Variants in KLF16 observed in about 807,000 individuals in gnomAD.
The protein encoded by KLF16 is Krueppel-like factor 16.
Under a neutral mutation model 6.1 loss-of-function variants are expected in KLF16, and 6 were observed. That is an observed-to-expected ratio of 0.98 (90% CI 0.54 to 1.93). KLF16 has a LOEUF of 1.93. KLF16 is among the 30% of genes most tolerant of loss of function. KLF16 has a pLI of 0.01. For missense variants in KLF16, 355 were observed against 363.8 expected, an observed-to-expected ratio of 0.98 and a Z score of 0.20; for synonymous variants, 211 against 176.5, an observed-to-expected ratio of 1.20 and a Z score of -1.55.
chr19:1,857,527 C>T lies in KLF16; in HGVS notation c.458-2767G>A, dbSNP rs2011979528. 6.6e-6 allele frequency among the ~76,000 whole-genome samples: 1 copy of T among 152,140 alleles called. No individual in the cohort carries two copies. The highest frequency in any genetic ancestry group is 6.5e-5 in the Admixed American group (1 of 15,282). ...ACAGGCAGGCTCAGAAAAATGGAGT[C>T]CAGGAAGTCCTGGAAACCTGGCCCG... On this transcript the variant is annotated intron_variant, in intron 1 of 1. Transcript: ENST00000250916. The surrounding 1 kb of genome is among the most constrained non-coding windows in gnomAD (Gnocchi z 4.7).
Position 1,856,950 on chromosome 19 carries a change from C to CGGGGGGGGGGG in KLF16, c.458-2191_458-2190insCCCCCCCCCCC, listed in dbSNP as rs946961126. Among the ~76,000 whole-genome samples, 15 of 43,190 alleles carry CGGGGGGGGGGG rather than the reference C, an allele frequency of 3.5e-4. 1 individual carries two copies. The highest frequency in any genetic ancestry group is 2.1e-3 in the Admixed American group (8 of 3,782). The allele number at this position is 43,190 out of a possible 152,430, so 28.3% of individuals were successfully genotyped here. The stretch of plus-strand genomic sequence containing the variant: ...CACTTTGCAAGGAGGAGCAGGTTGC[C>CGGGGGGGGGGG]GGGGTGGGGGGGGCGACCGGGGCAG... On this transcript the variant is annotated intron_variant, in intron 1 of 1. Coordinates refer to ENST00000250916, the MANE Select transcript of KLF16 (RefSeq NM_031918.4).
In KLF16 at chr19:1,852,948, G is replaced by C. The variant is rs1755581728; in HGVS notation, c.*1511C>G. On this transcript the variant is annotated 3_prime_UTR_variant, in exon 2 of 2. Transcript: ENST00000250916. ...CACCAGTGCCATCCAAAGCCCCCCT[G>C]TCCCCAAGCGAGAGGCAGGACGGTT... 1 of 152,096 alleles carries C rather than the reference G, an allele frequency of 6.6e-6. No individual in the cohort carries two copies. Among genetic ancestry groups the C allele is most frequent in the Admixed American group, 6.6e-5 (1 of 15,264 alleles). The allele number at this position is 152,096 out of a possible 1,614,324, so 9.4% of individuals were successfully genotyped here.
At chr19:1,861,273 C>T (rs1599195164) in intron 1 of KLF16, among the ~76,000 whole-genome samples, 1 of 152,276 alleles carries the variant, frequency 6.6e-6, no homozygotes, top group South Asian at 2.1e-4. Context: ...AAATGGAGCT[C>T]TCAGGCCACG....
chr19:1,854,304 T>A lies in KLF16; in HGVS notation c.*155A>T, dbSNP rs1396886119. 1.4e-5 allele frequency: 13 copies of A among 926,626 alleles called. No homozygotes were observed. The highest frequency in any genetic ancestry group is 1.9e-5 in the Non-Finnish European group (13 of 682,096). The allele number at this position is 926,626 out of a possible 1,614,324, so 57.4% of individuals were successfully genotyped here. A position where few individuals can be genotyped will look rare whatever the true frequency, so the allele number is the denominator to read the frequency against. On this transcript the variant is annotated 3_prime_UTR_variant, in exon 2 of 2. Transcript: ENST00000250916. ...ACCTCTGAGGTCAGGCAGACCCAGG[T>A]CCAGTCTCAGGCCCCCTCCTCACTC...
upstream of KLF16, among the ~76,000 whole-genome samples, chr19:1,864,819 A>C (rs1415237735): frequency 2.0e-5 from 3 of 152,092 alleles, no homozygotes; most frequent in Non-Finnish European, 4.4e-5. Context: ...GCGGGGGCAC[A>C]GAAACTGGGC....
At chr19:1,867,547 C>G (rs986283349), upstream of KLF16, among the ~76,000 whole-genome samples, 2 of 152,148 alleles carry the variant, frequency 1.3e-5, no homozygotes, top group Non-Finnish European at 1.5e-5. Flanking sequence ...GCCTGGGCAA[C>G]AGAGCGAGAT....
intron 1 of KLF16, among the ~76,000 whole-genome samples, chr19:1,858,026 T>C (rs1599193188): frequency 6.7e-6 from 1 of 150,250 alleles, no homozygotes; most frequent in African/African-American, 2.5e-5. Context: ...CTCCCCTGAC[T>C]TCCCAAAGCC....
Position 1,854,136 on chromosome 19 carries a change from C to G in KLF16, c.*323G>C. On this transcript the variant is annotated 3_prime_UTR_variant, in exon 2 of 2. Coordinates refer to ENST00000250916, the MANE Select transcript of KLF16 (RefSeq NM_031918.4). Reference sequence around the variant, plus strand: ...CACTCCACCCCCCCAAACCCCACCCCGGGAGGGGGGCAGCAGGGGGTGGTG... The same window carrying G: ...CACTCCACCCCCCCAAACCCCACCCGGGGAGGGGGGCAGCAGGGGGTGGTG... The G allele has an allele frequency of 3.3e-6, 1 of 300,636 alleles. No individual in the cohort carries two copies. Among genetic ancestry groups the G allele is most frequent in the Non-Finnish European group, 6.1e-6 (1 of 164,832 alleles). 18.6% of individuals were successfully genotyped at this position (300,636 alleles called of 1,614,324 possible). A position where few individuals can be genotyped will look rare whatever the true frequency, so the allele number is the denominator to read the frequency against.
upstream of KLF16, among the ~76,000 whole-genome samples, chr19:1,868,330 G>A (rs1182825767): frequency 6.6e-6 from 1 of 152,130 alleles, no homozygotes; most frequent in Non-Finnish European, 1.5e-5. Context: ...GTCAACATCA[G>A]GGGTGAAGTC....
chr19:1,858,846 G>A (rs1380280970), intron 1 of KLF16, among the ~76,000 whole-genome samples: 1 of 152,090 alleles, frequency 6.6e-6, no homozygotes, highest in Non-Finnish European at 1.5e-5. Context: ...GTCTAAGCCA[G>A]GGTGGTGCCC....
intron 1 of KLF16, 51 bp downstream of exon 1, chr19:1,862,990 G>C (rs765442150): frequency 4.4e-6 from 5 of 1,147,116 alleles, no homozygotes; most frequent in African/African-American, 3.3e-5. Context: ...TGGCGGGGGA[G>C]GGGTCTCAGG....
chr19:1,875,389 A>C, the KLF16 span: 1 of 152,252 alleles, frequency 6.6e-6, no homozygotes, highest in Admixed American at 6.5e-5. Flanking sequence ...AGCCCCAAGT[A>C]AAGTAACTGA....
At chr19:1,872,190 G>A in the KLF16 span, among the ~76,000 whole-genome samples, 1 of 152,156 alleles carries the variant, frequency 6.6e-6, no homozygotes, top group Non-Finnish European at 1.5e-5. Context: ...GAGTGCAGTG[G>A]TGCAATCTTG....
intron 1 of KLF16, among the ~76,000 whole-genome samples, chr19:1,858,315 G>A (rs1222744443): frequency 4.6e-5 from 7 of 152,198 alleles, no homozygotes; most frequent in Admixed American, 2.6e-4. Flanking sequence ...CTGGCCTAGG[G>A]TCAAAACTGA....
In KLF16 at chr19:1,863,373, T is replaced by G; in HGVS notation, c.125A>C (p.Asp42Ala). The G allele has an allele frequency of 3.1e-6, 3 of 977,764 alleles. No homozygotes were observed. The highest frequency in any genetic ancestry group is 1.2e-4 in the East Asian group (1 of 8,312). 60.6% of individuals were successfully genotyped at this position (977,764 alleles called of 1,614,324 possible). ...GGCCTCGCGGCGCGCCGCGCGCACA[T>G]CCAGGCCGGCGGCGGGGCCCGCGCC... The part of the protein sequence containing the change: ...PEGAGPAAGL[D>A]VRAARREAAS... Residue 42 changes from aspartate (D) to alanine (A), a missense_variant, in exon 1 of 2, where the codon GAT (aspartate) becomes GCT (alanine). Coordinates refer to ENST00000250916, the MANE Select transcript of KLF16 (RefSeq NM_031918.4).
chr19:1,859,617 C>T (rs931001098), intron 1 of KLF16, among the ~76,000 whole-genome samples: 2 of 152,086 alleles, frequency 1.3e-5, no homozygotes, highest in Non-Finnish European at 2.9e-5. Context: ...CTCTCCCATT[C>T]CCTGCCCCAC....
rs1037713998 is a variant in KLF16 at position 1,852,566 on chromosome 19, T to G, written c.*1893A>C. On this transcript the variant is annotated 3_prime_UTR_variant, in exon 2 of 2. Transcript: ENST00000250916. ...AGCGACTCCTGGGAGAGTGGAGGGG[T>G]GGGCGCAGGTCTCTCCAAGCCCCTG... 2 of 150,500 alleles carry G rather than the reference T, an allele frequency of 1.3e-5. No individual in the cohort carries two copies. The highest frequency in any genetic ancestry group is 2.5e-5 in the African/African-American group (1 of 40,744). 9.3% of individuals were successfully genotyped at this position (150,500 alleles called of 1,614,324 possible).
In KLF16 at chr19:1,863,548, G is replaced by A. The variant is rs1161065023; in HGVS notation, c.-51C>T. 2 of 903,368 alleles carry A rather than the reference G, an allele frequency of 2.2e-6. No homozygotes were observed. Among genetic ancestry groups the A allele is most frequent in the Middle Eastern group, 5.5e-4 (1 of 1,818 alleles). 56.0% of individuals were successfully genotyped at this position (903,368 alleles called of 1,614,324 possible). ...GGGCGGAGCGGAGGCGGCGGGAGCGGCGTCCGTCCGGCCGGCGGCGGCTGC... is the reference window on the plus strand; with the variant it reads ...GGGCGGAGCGGAGGCGGCGGGAGCGACGTCCGTCCGGCCGGCGGCGGCTGC... On this transcript the variant is annotated 5_prime_UTR_variant, in exon 1 of 2. Transcript: ENST00000250916.
chr19:1,873,522 G>A, the KLF16 span, among the ~76,000 whole-genome samples: 1 of 151,838 alleles, frequency 6.6e-6, no homozygotes, highest in Non-Finnish European at 1.5e-5. Flanking sequence ...GCCCCGTGCT[G>A]GGGTGTACCA....
Sources: allele counts gnomAD v4.1 joint callset (sites outside exome capture counted in the v4.1 genomes callset), GRCh38; gene constraint gnomAD v4.1.1; non-coding constraint Gnocchi (gnomAD v3.1); transcripts MANE v1.5; gene names NCBI Gene and HGNC (gene_info 2026-07-23, HGNC 2026-07-21).